Variants in CACNA2D1 observed in about 807,000 individuals in gnomAD.
CACNA2D1 encodes calcium voltage-gated channel auxiliary subunit alpha2delta 1.
Under a neutral mutation model 171.5 loss-of-function variants are expected in CACNA2D1, and 53 were observed. The observed-to-expected ratio is 0.31, with a 90% CI of 0.25 to 0.39. The LOEUF (loss-of-function observed/expected upper bound fraction) is 0.39, where lower values mean the gene tolerates loss of function less well. Among genes scored for constraint, CACNA2D1 ranks in the 10% least tolerant of loss-of-function variants. The pLI is 1.00. For missense variants in CACNA2D1, 903 were observed against 1,299.8 expected (o/e 0.69, Z 4.69); for synonymous variants, 442 against 443.1 (o/e 1.00, Z 0.03).
At chr7:82,443,311 C>G (rs1830652243) in intron 1 of CACNA2D1, 54 bp downstream of exon 1, 1 of 1,549,622 alleles carries the variant, frequency 6.5e-7, no homozygotes, top group Non-Finnish European at 8.8e-7. Flanking sequence ...ACCCCCACCC[C>G]CAACTCCCGC....
In CACNA2D1 at chr7:82,072,599, CA is replaced by C. The variant is rs376621487; in HGVS notation, c.659-6076del. On this transcript the variant is annotated intron_variant, in intron 7 of 38. Transcript: ENST00000356860. ...GGCTTAGAACCATCAAGGAGATTCA[CA>C]AGCAGAAGACAAGACAGGAAAGCAA... Among the ~76,000 whole-genome samples, 377 of 151,028 alleles carry C rather than the reference CA, an allele frequency of 2.5e-3. 1 individual carries two copies. The highest frequency in any genetic ancestry group is 8.4e-3 in the African/African-American group (345 of 41,170).
chr7:82,442,016 G>T (rs766685021), intron 1 of CACNA2D1, among the ~76,000 whole-genome samples: 10 of 152,080 alleles, frequency 6.6e-5, no homozygotes, highest in Non-Finnish European at 1.2e-4. Context: ...TTACCCTTTT[G>T]CTTCATAACA....
chr7:82,093,726 C>T lies in CACNA2D1; in HGVS notation c.527-8826G>A, dbSNP rs10250522. Among the ~76,000 whole-genome samples, 17 of 152,078 alleles carry T rather than the reference C, an allele frequency of 1.1e-4. No individual in the cohort carries two copies. The South Asian group carries it at 2.9e-3, about 26-fold the overall frequency. On this transcript the variant is annotated intron_variant, in intron 6 of 38. Transcript: ENST00000356860. ...AATGCTGCATTGAATACAGAATAGT[C>T]GCACTAAGATTCTAGTAAAAGAAAT...
At chr7:82,302,350 T>G (rs902436648) in intron 3 of CACNA2D1, among the ~76,000 whole-genome samples, 4 of 152,148 alleles carry the variant, frequency 2.6e-5, no homozygotes, top group Non-Finnish European at 5.9e-5. Flanking sequence ...ACGGCCCAAT[T>G]TGATGATGTG....
At chr7:82,341,319 A>G (rs186859030) in intron 2 of CACNA2D1, among the ~76,000 whole-genome samples, 53 of 152,300 alleles carry the variant, frequency 3.5e-4, no homozygotes, top group Non-Finnish European at 5.4e-4. Flanking sequence ...TCACACAGAA[A>G]TGTTGAGAAA....
chr7:82,269,835 C>T (rs1404288686), intron 3 of CACNA2D1, among the ~76,000 whole-genome samples: 3 of 152,106 alleles, frequency 2.0e-5, no homozygotes, highest in Non-Finnish European at 2.9e-5. Flanking sequence ...AGCTCCAATT[C>T]ACTTTTCTTA....
chr7:82,154,512 T>A (rs1794173248), intron 4 of CACNA2D1, among the ~76,000 whole-genome samples: 1 of 152,032 alleles, frequency 6.6e-6, no homozygotes, highest in African/African-American at 2.4e-5. Flanking sequence ...AGAGGACTGG[T>A]CAATAGGTGC....
intron 21 of CACNA2D1, among the ~76,000 whole-genome samples, chr7:81,986,813 CA>C (rs1797021963): frequency 6.6e-6 from 1 of 152,136 alleles, no homozygotes; most frequent in Non-Finnish European, 1.5e-5. Context: ...GCAGTGCAAT[CA>C]CTCTGACAGC....
At chr7:81,955,869 C>A (rs1450771131) in intron 38 of CACNA2D1, among the ~76,000 whole-genome samples, 3 of 111,994 alleles carry the variant, frequency 2.7e-5, no homozygotes, top group Admixed American at 2.7e-4. Flanking sequence ...AATTATAGTT[C>A]AAGGAAAGTA....
At chr7:82,266,688 T>C (rs1807901657) in intron 3 of CACNA2D1, among the ~76,000 whole-genome samples, 1 of 152,096 alleles carries the variant, frequency 6.6e-6, no homozygotes, top group African/African-American at 2.4e-5. Flanking sequence ...GGCTAGTTTT[T>C]GTATTTTTAG....
intron 3 of CACNA2D1, among the ~76,000 whole-genome samples, chr7:82,225,506 A>G (rs1802263965): frequency 6.6e-6 from 1 of 152,216 alleles, no homozygotes; most frequent in Admixed American, 6.5e-5. Context: ...TTTTACTCAG[A>G]AAAGTTGCAC....
intron 3 of CACNA2D1, among the ~76,000 whole-genome samples, chr7:82,285,460 A>G (rs557714486): frequency 1.3e-5 from 2 of 152,284 alleles, no homozygotes; most frequent in South Asian, 4.1e-4. Context: ...CTTATAACAT[A>G]TAAGTAACTC....
intron 12 of CACNA2D1, among the ~76,000 whole-genome samples, chr7:82,018,886 G>A (rs1163031363): frequency 6.7e-6 from 1 of 150,374 alleles, no homozygotes; most frequent in Non-Finnish European, 1.5e-5. Context: ...CTAGGGTGCT[G>A]AGGCAGGAGA....
At chr7:82,155,088 C>G (rs1217610401) in intron 4 of CACNA2D1, among the ~76,000 whole-genome samples, 4 of 152,116 alleles carry the variant, frequency 2.6e-5, no homozygotes, top group Non-Finnish European at 5.9e-5. Context: ...GCTCCCACCA[C>G]AGGAGATGCC....
chr7:82,149,786 A>AAG (rs1793583431), intron 4 of CACNA2D1, among the ~76,000 whole-genome samples: 1 of 142,490 alleles, frequency 7.0e-6, no homozygotes, highest in African/African-American at 2.5e-5. Flanking sequence ...AAAAAAACAA[A>AAG]CAAACAACAA....
At chr7:82,298,704 G>A (rs924249663) in intron 3 of CACNA2D1, among the ~76,000 whole-genome samples, 1 of 151,842 alleles carries the variant, frequency 6.6e-6, no homozygotes, top group African/African-American at 2.4e-5. Context: ...GGCTATAGGC[G>A]CATGCTACCA....
intron 4 of CACNA2D1, among the ~76,000 whole-genome samples, chr7:82,138,198 C>G (rs201614666): frequency 7.8e-6 from 1 of 127,586 alleles, no homozygotes; most frequent in African/African-American, 2.7e-5. Context: ...AGAAACATAC[C>G]ACGAGACTGA....
At chr7:81,999,096 T>C (rs1487453035) in intron 18 of CACNA2D1, among the ~76,000 whole-genome samples, 1 of 152,098 alleles carries the variant, frequency 6.6e-6, no homozygotes, top group African/African-American at 2.4e-5. Context: ...GGATAATGCA[T>C]AGCATGACCA....
At chr7:81,958,273 A>T (rs1245448270) in intron 38 of CACNA2D1, among the ~76,000 whole-genome samples, 1 of 152,180 alleles carries the variant, frequency 6.6e-6, no homozygotes, top group East Asian at 1.9e-4. Flanking sequence ...CTAATTGCAT[A>T]ATATTATCTG....
Sources: gnomAD v4.1 joint callset for allele counts (sites outside exome capture counted in the v4.1 genomes callset) on GRCh38, gnomAD v4.1.1 for gene constraint, MANE v1.5 for transcripts, NCBI Gene and HGNC (gene_info 2026-07-23, HGNC 2026-07-21) for gene names.